FKTN: variants seen among roughly 807,000 people sequenced by gnomAD.
The protein encoded by FKTN is fukutin, also known as ribitol-5-phosphate transferase FKTN.
Under a neutral mutation model 58.6 loss-of-function variants are expected in FKTN, and 47 were observed. The ratio of observed to expected loss-of-function variants is 0.80; its 90% confidence interval spans 0.63 to 1.02. FKTN has a LOEUF of 1.02. Among genes scored for constraint, FKTN ranks in the 50% least tolerant of loss-of-function variants. The probability of loss-of-function intolerance (pLI) is 0.00; values close to 1 mark genes in which losing one functional copy is unlikely to be tolerated. For missense variants in FKTN, 516 were observed against 537.3 expected (o/e 0.96, Z 0.39); for synonymous variants, 178 against 191.9 (o/e 0.93, Z 0.60).
At position 105,640,290 on chromosome 9, in the gene FKTN, C is replaced by A; in HGVS notation, c.*5026C>A. 1.2e-6 allele frequency: 1 copy of A among 863,156 alleles called. No individual in the cohort carries two copies. The highest frequency in any genetic ancestry group is 2.2e-5 in the South Asian group (1 of 44,540). The allele number at this position is 863,156 out of a possible 1,614,324, so 53.5% of individuals were successfully genotyped here. A position where few individuals can be genotyped will look rare whatever the true frequency, so the allele number is the denominator to read the frequency against. ...CTTCTTTTGGGTGCAGTGGCTCACA[C>A]CTGTAATACCAGCAGTTTGAGAAGC... On this transcript the variant is annotated 3_prime_UTR_variant, in exon 11 of 11. Coordinates refer to ENST00000357998, the MANE Select transcript of FKTN (RefSeq NM_001079802.2).
chr9:105,613,485 T>C (rs1188900745), intron 7 of FKTN, among the ~76,000 whole-genome samples: 2 of 152,254 alleles, frequency 1.3e-5, no homozygotes, highest in East Asian at 1.9e-4. Flanking sequence ...TTTCCTACTA[T>C]ATTGTAAAAG....
At chr9:105,591,124 A>T (rs1437472800) in intron 3 of FKTN, among the ~76,000 whole-genome samples, 1 of 152,104 alleles carries the variant, frequency 6.6e-6, no homozygotes, top group Non-Finnish European at 1.5e-5. Flanking sequence ...AACACTGGGG[A>T]TTACAATTTG....
intron 1 of FKTN, among the ~76,000 whole-genome samples, chr9:105,567,977 A>T (rs1368811892): frequency 1.3e-5 from 2 of 152,218 alleles, no homozygotes; most frequent in East Asian, 3.8e-4. Context: ...GAGCCCTCAG[A>T]AGTAATACCA....
At position 105,636,565 on chromosome 9, in the gene FKTN, A is replaced by T. The variant is rs917289393; in HGVS notation, c.*1301A>T. ...CCTCAAGATGTCTGAGTCAGCTAGG[A>T]TGCTGTTTACCCCATCTCTCTCTTA... On this transcript the variant is annotated 3_prime_UTR_variant, in exon 11 of 11. Transcript: ENST00000357998. 36 of 1,053,220 alleles carry T rather than the reference A, an allele frequency of 3.4e-5. No individual in the cohort carries two copies. The African/African-American group carries it at 6.1e-4, about 18-fold the overall frequency. 65.2% of individuals were successfully genotyped at this position (1,053,220 alleles called of 1,614,324 possible).
intron 3 of FKTN, among the ~76,000 whole-genome samples, chr9:105,590,880 G>C (rs1844744066): frequency 1.4e-5 from 2 of 142,330 alleles, no homozygotes; most frequent in South Asian, 4.2e-4. Flanking sequence ...CAACTTCTGG[G>C]GAGGCCTCAG....
At chr9:105,560,947 C>T (rs1474848182) in intron 1 of FKTN, among the ~76,000 whole-genome samples, 1 of 152,052 alleles carries the variant, frequency 6.6e-6, no homozygotes, top group Non-Finnish European at 1.5e-5. Context: ...ATTAGCTAGG[C>T]TTGGTGGCAC....
At chr9:105,586,127 C>T (rs115288160) in intron 3 of FKTN, among the ~76,000 whole-genome samples, 64 of 152,314 alleles carry the variant, frequency 4.2e-4, no homozygotes, top group Admixed American at 2.0e-3. Context: ...TAGCACAGAA[C>T]TACTCTTGGT....
intron 10 of FKTN, among the ~76,000 whole-genome samples, chr9:105,627,587 G>T (rs1473935602): frequency 6.6e-6 from 1 of 151,510 alleles, no homozygotes; most frequent in East Asian, 1.9e-4. Context: ...CTTTATTTTG[G>T]TCCAAGATTT....
rs147634598 is a variant in FKTN, at chr9:105,588,952, C to T, written c.106-7646C>T. 5.5e-3 allele frequency among the ~76,000 whole-genome samples: 844 copies of T among 152,246 alleles called. 9 individuals are homozygous for T. The highest frequency in any genetic ancestry group is 0.02 in the African/African-American group (818 of 41,544). ...AAAGAGAGGTCAGATTATTTATTCT[C>T]TTGGTTCTCTACTTGTAGGGTCATT... On this transcript the variant is annotated intron_variant, in intron 3 of 10. Transcript: ENST00000357998.
At position 105,635,599 on chromosome 9, in the gene FKTN, C is replaced by T. The variant is rs149621663; in HGVS notation, c.*335C>T. On this transcript the variant is annotated 3_prime_UTR_variant, in exon 11 of 11. Coordinates refer to ENST00000357998, the MANE Select transcript of FKTN (RefSeq NM_001079802.2). ...TCAAGTTCTGTACAGGTTTTTAAAA[C>T]GTGAAGTAATGTTTGAACTGGAAGA... 2.8e-5 allele frequency: 31 copies of T among 1,121,922 alleles called. No homozygotes were observed. The East Asian group carries it at 5.2e-4, about 19-fold the overall frequency. The allele number at this position is 1,121,922 out of a possible 1,614,324, so 69.5% of individuals were successfully genotyped here.
intron 6 of FKTN, among the ~76,000 whole-genome samples, chr9:105,605,008 A>C (rs2132818895): frequency 6.6e-6 from 1 of 152,112 alleles, no homozygotes; most frequent in South Asian, 2.1e-4. Flanking sequence ...ATATGTGTTC[A>C]TACAATGAAG....
chr9:105,592,173 C>A (rs1310478433), intron 3 of FKTN, among the ~76,000 whole-genome samples: 3 of 152,264 alleles, frequency 2.0e-5, no homozygotes, highest in Non-Finnish European at 4.4e-5. Context: ...AATTCCTCCC[C>A]TGAAAATAGA....
chr9:105,588,338 C>A lies in FKTN; in HGVS notation c.106-8260C>A, dbSNP rs145057299. On this transcript the variant is annotated intron_variant, in intron 3 of 10. Coordinates refer to ENST00000357998, the MANE Select transcript of FKTN (RefSeq NM_001079802.2). ...TCCCGTAAATTTTTACTCCAAATAT[C>A]CCATAGGCAGTGTGTCAGAATATTT... is the stretch of plus-strand genomic sequence containing the variant. Among the ~76,000 whole-genome samples, 281 of 152,308 alleles carry A rather than the reference C, an allele frequency of 1.8e-3. 2 individuals carry two copies. The highest frequency in any genetic ancestry group is 6.4e-3 in the African/African-American group (268 of 41,564).
chr9:105,563,511 G>T (rs1436759697), intron 1 of FKTN, among the ~76,000 whole-genome samples: 1 of 152,058 alleles, frequency 6.6e-6, no homozygotes, highest in Non-Finnish European at 1.5e-5. Flanking sequence ...TATATCCCAC[G>T]CCTGGCTCGG....
rs187353821 is a variant in FKTN, at chr9:105,560,920, C to T, written c.-181+2755C>T. Among the ~76,000 whole-genome samples, 1,371 of 152,156 alleles carry T rather than the reference C, an allele frequency of 9.0e-3. 20 individuals are homozygous for T. The highest frequency in any genetic ancestry group is 0.032 in the African/African-American group (1,313 of 41,494). The stretch of plus-strand genomic sequence containing the variant: ...TGGCCAGCCTGATGAAACCCTGTCT[C>T]TACTGAAAATACAAAAATTAGCTAG... On this transcript the variant is annotated intron_variant, in intron 1 of 10. Coordinates refer to ENST00000357998, the MANE Select transcript of FKTN (RefSeq NM_001079802.2).
intron 3 of FKTN, among the ~76,000 whole-genome samples, chr9:105,592,190 T>C (rs1224240929): frequency 2.0e-5 from 3 of 152,248 alleles, no homozygotes; most frequent in Non-Finnish European, 1.5e-5. Flanking sequence ...TAGACTTTTC[T>C]TTTCTATCAC....
chr9:105,607,147 G>A (rs1829046757), intron 6 of FKTN, among the ~76,000 whole-genome samples: 1 of 151,912 alleles, frequency 6.6e-6, no homozygotes, highest in African/African-American at 2.4e-5. Flanking sequence ...TCTCTACATT[G>A]TAAAATTTTA....
chr9:105,615,193 T>C, intron 7 of FKTN, 85 bp from the exon 8 acceptor site: 1 of 1,474,194 alleles, frequency 6.8e-7, no homozygotes, highest in Non-Finnish European at 9.4e-7. Context: ...CTGGGGTTAA[T>C]TTTCAAATTT....
intron 3 of FKTN, among the ~76,000 whole-genome samples, chr9:105,587,921 A>G (rs537795872): frequency 1.3e-5 from 2 of 152,334 alleles, no homozygotes; most frequent in South Asian, 4.1e-4. Context: ...ACTGAGAGGC[A>G]GAAGTGGAAG....
Sources: allele counts gnomAD v4.1 joint callset (sites outside exome capture counted in the v4.1 genomes callset), GRCh38; gene constraint gnomAD v4.1.1; transcripts MANE v1.5; gene names NCBI Gene and HGNC (gene_info 2026-07-23, HGNC 2026-07-21).